GNAT1: variants seen among roughly 807,000 people sequenced by gnomAD.
GNAT1 encodes the protein guanine nucleotide-binding protein G(t) subunit alpha-1.
In GNAT1, 36 loss-of-function variants were observed where a neutral mutation model predicts 40.0. The ratio of observed to expected loss-of-function variants is 0.90; its 90% CI spans 0.69 to 1.19. The LOEUF (loss-of-function observed/expected upper bound fraction) is 1.19. Ranked by LOEUF, GNAT1 falls within the 50% of genes most tolerant of loss-of-function variation. The pLI is 0.00. For synonymous variants in GNAT1, 195 were observed against 192.9 expected (o/e 1.01, Z -0.09); for missense variants, 413 against 480.6 (o/e 0.86, Z 1.32).
At position 50,193,001 on chromosome 3, in the gene GNAT1, G is replaced by A. The variant is rs966953479; in HGVS notation, c.107-132G>A. 5 of 823,332 alleles carry A rather than the reference G, an allele frequency of 6.1e-6. No individual in the cohort carries two copies. The highest frequency in any genetic ancestry group is 1.7e-5 in the African/African-American group (1 of 59,286). 51.0% of individuals were successfully genotyped at this position (823,332 alleles called of 1,614,324 possible). ...GATGGGGGGGTAGGTGTGGCTACGG[G>A]GTCGGGGCTGGCGCTCAGGCCTCTT... is the stretch of plus-strand genomic sequence containing the variant. On this transcript the variant is annotated intron_variant, in intron 1 of 8. Coordinates refer to ENST00000232461, the MANE Select transcript of GNAT1 (RefSeq NM_144499.3). This position sits in a 1 kb window ranked among gnomAD's most constrained non-coding sequence, Gnocchi z 8.1.
chr3:50,191,735 G>T lies in GNAT1; in HGVS notation c.10G>T (p.Gly4Trp), dbSNP rs1699413898. 3 of 1,611,590 alleles carry T rather than the reference G, an allele frequency of 1.9e-6. No individual in the cohort carries two copies. Among genetic ancestry groups the T allele is most frequent in the East Asian group, 4.5e-5 (2 of 44,864 alleles). MGA[G>W]ASAEEKHSRE... is the part of the protein sequence containing the mutation. ...GCCTGCTGCTGGGACCATGGGGGCT[G>T]GGGCCAGTGCTGAGGAGAAGCACTC... The change falls in exon 1 of 9, where the codon GGG becomes TGG. Residue 4 changes from glycine to tryptophan, a missense_variant. Gly to Trp is a radical substitution (Grantham distance 184). Coordinates refer to ENST00000232461, the MANE Select transcript of GNAT1 (RefSeq NM_144499.3).
rs749325459 is a variant in GNAT1, at chr3:50,194,124, G to T, written c.611G>T (p.Arg204Leu). Residue 204 changes from arginine to leucine, a missense_variant, in exon 6 of 9, where the codon CGC becomes CTC. Coordinates refer to ENST00000232461, the MANE Select transcript of GNAT1 (RefSeq NM_144499.3). This position sits in a 1 kb window ranked among gnomAD's most constrained non-coding sequence, Gnocchi z 6.1. ...GATGTGGGCGGGCAGCGCTCGGAGC[G>T]CAAGAAGTGGATCCACTGCTTCGAG... ...MFDVGGQRSE[R>L]KKWIHCFEGV... 1.9e-6 allele frequency: 3 copies of T among 1,613,782 alleles called. No individual in the cohort carries two copies. Among genetic ancestry groups the T allele is most frequent in the Non-Finnish European group, 1.7e-6 (2 of 1,179,834 alleles).
chr3:50,191,677 T>C lies in GNAT1; in HGVS notation c.-49T>C, dbSNP rs776653170. The C allele has an allele frequency of 5.1e-6, 7 of 1,383,540 alleles. No homozygotes were observed. The highest frequency in any genetic ancestry group is 7.2e-6 in the Non-Finnish European group (7 of 970,086). The allele number at this position is 1,383,540 out of a possible 1,614,324, so 85.7% of individuals were successfully genotyped here. On this transcript the variant is annotated 5_prime_UTR_variant, in exon 1 of 9. Transcript: ENST00000232461. ...GGCCAGGTTCTGGGGATCCCCTCCA[T>C]CCAGAAGAACCACCTGCTCACTCTG...
chr3:50,191,935 G>A, intron 1 of GNAT1, 104 bp downstream of exon 1: 2 of 777,786 alleles, frequency 2.6e-6, no homozygotes, highest in Non-Finnish European at 4.4e-6. Flanking sequence ...AGCAGTATGA[G>A]CCTGTGACAG....
rs367565550 is a variant in GNAT1 at position 50,191,791 on chromosome 3, C to T, written c.66C>T (p.Asp22=). Residue 22 remains aspartate, a synonymous_variant, in exon 1 of 9, where the codon GAC becomes GAT. Transcript: ENST00000232461. The part of the protein sequence containing the change: ...SRELEKKLKE[D]AEKDARTVKL... ...AGCTGGAAAAGAAGCTGAAAGAGGA[C>T]GCTGAGAAGGATGCTCGAACCGTGA... 101 of 1,613,782 alleles carry T rather than the reference C, an allele frequency of 6.3e-5. No individual in the cohort carries two copies. Among genetic ancestry groups the T allele is most frequent in the Middle Eastern group, 1.6e-4 (1 of 6,084 alleles).
intron 1 of GNAT1, chr3:50,192,735 G>A (rs868415555): frequency 5.3e-6 from 2 of 379,144 alleles, no homozygotes; most frequent in Middle Eastern, 8.6e-4. Context: ...GAAATGCAAG[G>A]GGTTTACCCG....
At chr3:50,191,953 C>T (rs1363080205) in intron 1 of GNAT1, 122 bp downstream of exon 1, 2 of 709,584 alleles carry the variant, frequency 2.8e-6, no homozygotes, top group Non-Finnish European at 5.0e-6. Context: ...CAGAGTAGGG[C>T]ACAGGGTGGG....
rs762202194 is a variant in GNAT1 at position 50,193,494 on chromosome 3, C to T, written c.292-12C>T. On this transcript the variant is annotated splice_polypyrimidine_tract_variant and intron_variant, in intron 3 of 8. Coordinates refer to ENST00000232461, the MANE Select transcript of GNAT1 (RefSeq NM_144499.3). The surrounding 1 kb of genome is among the most constrained non-coding windows in gnomAD (Gnocchi z 8.1). ...CCCTGGCCGCCACCAGCCACTCTCA[C>T]CCTGCCCCCAGGACGACGCCCGGAA... is the stretch of plus-strand genomic sequence containing the variant. 8 of 1,613,184 alleles carry T rather than the reference C, an allele frequency of 5.0e-6. No individual in the cohort carries two copies. The highest frequency in any genetic ancestry group is 4.2e-6 in the Non-Finnish European group (5 of 1,179,798).
At position 50,194,293 on chromosome 3, in the gene GNAT1, G is replaced by A; in HGVS notation, c.708+72G>A. The A allele has an allele frequency of 6.5e-7, 1 of 1,527,806 alleles. No homozygotes were observed. Among genetic ancestry groups the A allele is most frequent in the Non-Finnish European group, 8.9e-7 (1 of 1,127,376 alleles). 94.6% of individuals were successfully genotyped at this position (1,527,806 alleles called of 1,614,324 possible). ...GCTGGTCCCTGGAGGCGGAGACCGC[G>A]CGCTGGGCTGGGGGAGGGCACGGGA... is the stretch of plus-strand genomic sequence containing the variant. On this transcript the variant is annotated intron_variant, in intron 6 of 8. Transcript: ENST00000232461. The surrounding 1 kb of genome is among the most constrained non-coding windows in gnomAD (Gnocchi z 6.1).
chr3:50,193,800 C>G lies in GNAT1; in HGVS notation c.497C>G (p.Thr166Ser), dbSNP rs1028826170. The change falls in exon 5 of 9, where the codon ACC (threonine) becomes AGC (serine). Residue 166 changes from threonine to serine, a missense_variant. Transcript: ENST00000232461. The surrounding 1 kb of genome is among the most constrained non-coding windows in gnomAD (Gnocchi z 8.1). ...CTGGTAACCCCGGGCTACGTGCCCA[C>G]CGAGCAGGACGTGCTGCGCTCGCGA... ...ERLVTPGYVP[T>S]EQDVLRSRVK... is the part of the protein sequence containing the mutation. 6.2e-7 allele frequency: 1 copy of G among 1,613,006 alleles called. No homozygotes were observed. Among genetic ancestry groups the G allele is most frequent in the East Asian group, 2.2e-5 (1 of 44,856 alleles).
Position 50,193,133 on chromosome 3 carries a change from G to A in GNAT1, c.107G>A (p.Gly36Asp), listed in dbSNP as rs772024349. ...CTCTGAGGCGCCGCGTCTCTTTCAG[G>A]TGCCGGTGAGTCCGGGAAGAGCACC... ...DARTVKLLLL[G>D]AGESGKSTIV... is the part of the protein sequence containing the mutation. The change falls in exon 2 of 9, where the codon GGT (glycine) becomes GAT (aspartate). Residue 36 changes from glycine to aspartate, a missense_variant and splice_region_variant. Coordinates refer to ENST00000232461, the MANE Select transcript of GNAT1 (RefSeq NM_144499.3). The surrounding 1 kb of genome is among the most constrained non-coding windows in gnomAD (Gnocchi z 8.1). 10 of 1,613,802 alleles carry A rather than the reference G, an allele frequency of 6.2e-6. No homozygotes were observed. The highest frequency in any genetic ancestry group is 8.5e-6 in the Non-Finnish European group (10 of 1,180,010).
At position 50,195,468 on chromosome 3, in the gene GNAT1, A is replaced by C; in HGVS notation, c.*202A>C. ...AGTATCCCAGCGCCTCATGCCCCCA[A>C]CCCCAAGCCCTGCCCTTCACCGCCC... On this transcript the variant is annotated 3_prime_UTR_variant, in exon 9 of 9. Coordinates refer to ENST00000232461, the MANE Select transcript of GNAT1 (RefSeq NM_144499.3). The C allele has an allele frequency of 5.5e-6, 1 of 182,118 alleles. No individual in the cohort carries two copies. Among genetic ancestry groups the C allele is most frequent in the Non-Finnish European group, 1.2e-5 (1 of 84,658 alleles). The allele number at this position is 182,118 out of a possible 1,614,324, so 11.3% of individuals were successfully genotyped here. A position where few individuals can be genotyped will look rare whatever the true frequency, so the allele number is the denominator to read the frequency against.
chr3:50,194,054 G>A lies in GNAT1; in HGVS notation c.579-38G>A. On this transcript the variant is annotated intron_variant, in intron 5 of 8. Transcript: ENST00000232461. The surrounding 1 kb of genome is among the most constrained non-coding windows in gnomAD (Gnocchi z 6.1). ...CAGGGCGAAGGGATGTTGCCTGTGGGGCCCGGGGCGCAGGTTCAGGCCCCC... is the reference window on the plus strand; with the variant it reads ...CAGGGCGAAGGGATGTTGCCTGTGGAGCCCGGGGCGCAGGTTCAGGCCCCC... 6.2e-7 allele frequency: 1 copy of A among 1,611,126 alleles called. No homozygotes were observed. Among genetic ancestry groups the A allele is most frequent in the Non-Finnish European group, 8.5e-7 (1 of 1,178,214 alleles).
Position 50,197,484 on chromosome 3 carries a change from T to C in GNAT1, c.*2218T>C, listed in dbSNP as rs1699519604. On this transcript the variant is annotated 3_prime_UTR_variant, in exon 9 of 9. Transcript: ENST00000232461. ...TGTGTGGGTCCATGAAGTCTTTGTC[T>C]TTTTGCAACTGGCTTATTTCACTTA... is the stretch of plus-strand genomic sequence containing the variant. Among the ~76,000 whole-genome samples, 1 of 152,242 alleles carries C rather than the reference T, an allele frequency of 6.6e-6. No homozygotes were observed. The highest frequency in any genetic ancestry group is 6.5e-5 in the Admixed American group (1 of 15,284).
rs374280778 is a variant in GNAT1, at chr3:50,194,688, C to T, written c.862+34C>T. The T allele has an allele frequency of 6.2e-7, 1 of 1,611,218 alleles. No homozygotes were observed. The highest frequency in any genetic ancestry group is 1.3e-5 in the African/African-American group (1 of 75,002). On this transcript the variant is annotated intron_variant, in intron 7 of 8. Coordinates refer to ENST00000232461, the MANE Select transcript of GNAT1 (RefSeq NM_144499.3). This position sits in a 1 kb window ranked among gnomAD's most constrained non-coding sequence, Gnocchi z 6.1. ...TCCGCAAGGCCGCCAGGCGGCGCCC[C>T]CGCCCCACGATCGCGGCGCGCACCC... is the stretch of plus-strand genomic sequence containing the variant.
rs557452595 is a variant in GNAT1 at position 50,192,484 on chromosome 3, G to A, written c.107-649G>A. Among the ~76,000 whole-genome samples, 7 of 152,348 alleles carry A rather than the reference G, an allele frequency of 4.6e-5. No homozygotes were observed. The South Asian group carries it at 1.4e-3, about 32-fold the overall frequency. On this transcript the variant is annotated intron_variant, in intron 1 of 8. Coordinates refer to ENST00000232461, the MANE Select transcript of GNAT1 (RefSeq NM_144499.3). ...CTGCCTGACCTCTCAAGGGGAAAAA[G>A]CAGCTTCAAGAGGGGCTCCACCCAA...
intron 1 of GNAT1, among the ~76,000 whole-genome samples, 191 bp downstream of exon 1, chr3:50,192,022 C>T (rs1699418459): frequency 6.6e-6 from 1 of 152,186 alleles, no homozygotes; most frequent in Admixed American, 6.5e-5. Flanking sequence ...CAGGGCTGGA[C>T]ATCCCACAAA....
rs1699463117 is a variant in GNAT1, at chr3:50,194,006, G to T, written c.579-86G>T. The T allele has an allele frequency of 1.2e-6, 2 of 1,606,690 alleles. No homozygotes were observed. Among genetic ancestry groups the T allele is most frequent in the East Asian group, 4.5e-5 (2 of 44,798 alleles). Reference sequence around the variant, plus strand: ...CGCCAGCAGAAAGGGTGGTAGTCCCGGCCGAGAGCTCCCCGACCAGCACAG... The same window carrying T: ...CGCCAGCAGAAAGGGTGGTAGTCCCTGCCGAGAGCTCCCCGACCAGCACAG... On this transcript the variant is annotated intron_variant, in intron 5 of 8. Transcript: ENST00000232461. The surrounding 1 kb of genome is among the most constrained non-coding windows in gnomAD (Gnocchi z 6.1).
chr3:50,191,858 ACTGC>A, intron 1 of GNAT1, 27 bp downstream of exon 1: 3 of 1,441,008 alleles, frequency 2.1e-6, no homozygotes, highest in Non-Finnish European at 2.9e-6. Context: ...AGGTGGGGCC[ACTGC>A]CACCAGGTCA....
Sources: allele counts gnomAD v4.1 joint callset (sites outside exome capture counted in the v4.1 genomes callset), GRCh38; gene constraint gnomAD v4.1.1; non-coding constraint Gnocchi (gnomAD v3.1); transcripts MANE v1.5; gene names NCBI Gene and HGNC (gene_info 2026-07-23, HGNC 2026-07-21).